The following RPS6KC1 variants were observed in gnomAD, a reference collection of about 807,000 sequenced individuals.
RPS6KC1 encodes the protein inactive ribosomal protein S6 kinase delta-1.
In RPS6KC1, 54 loss-of-function variants were observed where a neutral mutation model predicts 103.8. The observed-to-expected ratio is 0.52, with a 90% CI of 0.42 to 0.65. The LOEUF (loss-of-function observed/expected upper bound fraction) is 0.65. Ranked by LOEUF, RPS6KC1 falls within the 30% of genes least tolerant of loss-of-function variation. RPS6KC1 has a pLI of 0.00. For missense variants in RPS6KC1, 1,151 were observed against 1,253.8 expected (o/e 0.92, Z 1.24); for synonymous variants, 439 against 438.7 (o/e 1.00, Z -0.01).
the RPS6KC1 span, among the ~76,000 whole-genome samples, chr1:213,322,363 A>C: frequency 6.6e-6 from 1 of 152,222 alleles, no homozygotes; most frequent in Non-Finnish European, 1.5e-5. Context: ...TTTGTAGTTC[A>C]CACTGAGATA....
chr1:213,122,563 A>G (rs906646920), intron 5 of RPS6KC1, among the ~76,000 whole-genome samples: 9 of 152,316 alleles, frequency 5.9e-5, no homozygotes, highest in African/African-American at 2.2e-4. Context: ...ATAGTGTGAG[A>G]TGACAAAATA....
chr1:213,130,136 G>A (rs944541443), intron 6 of RPS6KC1, among the ~76,000 whole-genome samples: 10 of 152,130 alleles, frequency 6.6e-5, no homozygotes, highest in African/African-American at 2.4e-4. Context: ...AAAAAAGTCA[G>A]CATGTCTTGA....
the RPS6KC1 span, among the ~76,000 whole-genome samples, chr1:213,429,945 T>C: frequency 0.17 from 26,287 of 152,244 alleles, 2,856 homozygotes; most frequent in East Asian, 0.25. Flanking sequence ...CTACTGAAAT[T>C]GGAGTTCAAC....
chr1:213,467,910 A>G, the RPS6KC1 span, among the ~76,000 whole-genome samples: 149 of 152,350 alleles, frequency 9.8e-4, no homozygotes, highest in African/African-American at 3.3e-3. Flanking sequence ...GTCAATATGC[A>G]TACATTTTCA....
chr1:213,370,293 A>ATTTTATTTTAT, the RPS6KC1 span, among the ~76,000 whole-genome samples: 1 of 123,880 alleles, frequency 8.1e-6, no homozygotes, highest in African/African-American at 4.1e-5. Flanking sequence ...TTTTTTTTGC[A>ATTTTATTTTAT]TGTATCTTGT....
At chr1:213,303,954 C>T in the RPS6KC1 span, among the ~76,000 whole-genome samples, 1 of 151,896 alleles carries the variant, frequency 6.6e-6, no homozygotes, top group South Asian at 2.1e-4. Flanking sequence ...GCCTGTAATC[C>T]CAGCACTCTG....
chr1:213,205,323 AAAGAT>A, intron 8 of RPS6KC1: 1 of 984,948 alleles, frequency 1.0e-6, no homozygotes, highest in Non-Finnish European at 1.2e-6. Flanking sequence ...CAAGCTAGAT[AAAGAT>A]AAGTCATGCT....
At chr1:213,221,056 C>T (rs1010992358) in intron 8 of RPS6KC1, among the ~76,000 whole-genome samples, 8 of 152,108 alleles carry the variant, frequency 5.3e-5, no homozygotes, top group Non-Finnish European at 8.8e-5. Context: ...AAATACTCTA[C>T]TTTTATGACT....
intron 8 of RPS6KC1, among the ~76,000 whole-genome samples, chr1:213,204,773 G>GC (rs953814382): frequency 6.6e-6 from 1 of 151,914 alleles, no homozygotes; most frequent in African/African-American, 2.4e-5. Context: ...ACAGGTGTAT[G>GC]CCAGCATGCC....
At chr1:213,586,246 T>C in the RPS6KC1 span, among the ~76,000 whole-genome samples, 1 of 152,240 alleles carries the variant, frequency 6.6e-6, no homozygotes, top group Admixed American at 6.5e-5. Flanking sequence ...GGATGACTGA[T>C]GTCTTTTTTA....
chr1:213,833,865 C>T, the RPS6KC1 span, among the ~76,000 whole-genome samples: 3 of 152,148 alleles, frequency 2.0e-5, no homozygotes, highest in African/African-American at 7.2e-5. Context: ...GTCTCATTTA[C>T]ACCATATTTG....
the RPS6KC1 span, among the ~76,000 whole-genome samples, chr1:213,514,746 G>C: frequency 6.6e-6 from 1 of 152,216 alleles, no homozygotes; most frequent in South Asian, 2.1e-4. Context: ...TATATACCCA[G>C]TAATGGGATG....
chr1:213,186,275 G>C (rs947310690), intron 8 of RPS6KC1, among the ~76,000 whole-genome samples: 1 of 150,364 alleles, frequency 6.7e-6, no homozygotes, highest in African/African-American at 2.5e-5. Flanking sequence ...TCTGATGGTG[G>C]TGAATTCTTT....
chr1:213,376,817 C>T, the RPS6KC1 span, among the ~76,000 whole-genome samples: 8 of 152,304 alleles, frequency 5.3e-5, no homozygotes, highest in African/African-American at 1.9e-4. Context: ...TCAACACCCC[C>T]AAAGTTAGGC....
the RPS6KC1 span, among the ~76,000 whole-genome samples, chr1:213,283,030 T>C: frequency 6.6e-6 from 1 of 152,242 alleles, no homozygotes; most frequent in Non-Finnish European, 1.5e-5. Context: ...GTTGTAGTTC[T>C]GCTTCACTAA....
chr1:213,772,261 C>T, the RPS6KC1 span, among the ~76,000 whole-genome samples: 1 of 152,282 alleles, frequency 6.6e-6, no homozygotes, highest in South Asian at 2.1e-4. Context: ...TAGTGTCCAA[C>T]ATTATCAAAG....
the RPS6KC1 span, among the ~76,000 whole-genome samples, chr1:213,310,896 A>C: frequency 2.6e-5 from 4 of 152,098 alleles, no homozygotes; most frequent in Non-Finnish European, 4.4e-5. Flanking sequence ...CACTGCATGG[A>C]TCCATCCTGT....
chr1:213,337,234 A>G, the RPS6KC1 span, among the ~76,000 whole-genome samples: 7 of 152,232 alleles, frequency 4.6e-5, no homozygotes, highest in Admixed American at 3.3e-4. Flanking sequence ...GGCTTAATAC[A>G]GGCTAAGGCT....
chr1:213,572,228 T>TGG, the RPS6KC1 span, among the ~76,000 whole-genome samples: 1 of 152,166 alleles, frequency 6.6e-6, no homozygotes, highest in African/African-American at 2.4e-5. Flanking sequence ...GCTGGAGCTG[T>TGG]GATTCCATTG....
Sources: gnomAD v4.1 joint callset for allele counts (sites outside exome capture counted in the v4.1 genomes callset) on GRCh38, gnomAD v4.1.1 for gene constraint, MANE v1.5 for transcripts, NCBI Gene and HGNC (gene_info 2026-07-23, HGNC 2026-07-21) for gene names.